The following MSI2 variants were observed in gnomAD, a reference collection of about 807,000 sequenced individuals.
MSI2 encodes the protein musashi RNA binding protein 2.
In MSI2, 17 loss-of-function variants were observed where a neutral mutation model predicts 45.6. The observed-to-expected ratio is 0.37, with a 90% CI of 0.26 to 0.56. The LOEUF (loss-of-function observed/expected upper bound fraction) is 0.56. Among genes scored for constraint, MSI2 ranks in the 20% least tolerant of loss-of-function variants. MSI2 has a pLI of 0.77. For synonymous variants in MSI2, 156 were observed against 158.2 expected (o/e 0.99, Z 0.11); for missense variants, 293 against 444.2 (o/e 0.66, Z 3.06).
intron 10 of MSI2, among the ~76,000 whole-genome samples, chr17:57,648,043 A>G (rs1244839354): frequency 6.6e-6 from 1 of 150,806 alleles, no homozygotes; most frequent in Non-Finnish European, 1.5e-5. Context: ...GCTCACTGCA[A>G]CCTCCACCTT....
At chr17:57,393,425 A>G (rs1598209286) in intron 5 of MSI2, among the ~76,000 whole-genome samples, 1 of 152,208 alleles carries the variant, frequency 6.6e-6, no homozygotes, top group Admixed American at 6.6e-5. Context: ...AACGCTTTCA[A>G]GGTTCATCCA....
intron 5 of MSI2, among the ~76,000 whole-genome samples, chr17:57,383,318 G>C (rs1046913061): frequency 1.3e-5 from 2 of 152,254 alleles, no homozygotes; most frequent in African/African-American, 4.8e-5. Context: ...CTGTTTTAAG[G>C]TGGCTGTTTG....
the MSI2 span, among the ~76,000 whole-genome samples, chr17:57,692,094 A>G: frequency 1.3e-5 from 2 of 152,208 alleles, no homozygotes; most frequent in African/African-American, 4.8e-5. Context: ...TGTTCTTTGC[A>G]TATATTGAAA....
intron 5 of MSI2, among the ~76,000 whole-genome samples, chr17:57,301,649 T>G (rs1397990734): frequency 6.6e-6 from 1 of 152,244 alleles, no homozygotes; most frequent in African/African-American, 2.4e-5. Flanking sequence ...TGCAGCTCAT[T>G]TGTTTTCATT....
chr17:57,518,208 C>T (rs2086510167), intron 6 of MSI2, among the ~76,000 whole-genome samples: 1 of 152,158 alleles, frequency 6.6e-6, no homozygotes, highest in Non-Finnish European at 1.5e-5. Context: ...CATTATCAAG[C>T]CATGTTATTT....
At chr17:57,673,277 C>T (rs544096571) in intron 11 of MSI2, among the ~76,000 whole-genome samples, 75 of 152,218 alleles carry the variant, frequency 4.9e-4, no homozygotes, top group Non-Finnish European at 8.8e-4. Context: ...CCCACCAGAA[C>T]TGAGGGCCTC....
chr17:57,258,318 A>T lies in MSI2; in HGVS notation c.234A>T (p.Val78=), dbSNP rs191776651. 6.3e-5 allele frequency: 101 copies of T among 1,613,998 alleles called. No homozygotes were observed. Among genetic ancestry groups the T allele is most frequent in the Non-Finnish European group, 8.3e-5 (98 of 1,179,982 alleles). The change falls in exon 4 of 14, where the codon GTA becomes GTT. Residue 78 remains valine (V), a synonymous_variant. Transcript: ENST00000284073. ...CAGACCCAGCAAGTGTAGATAAAGT[A>T]TTAGGTCAGCCCCACCATGAGTTAG... ...TFADPASVDK[V]LGQPHHELDS... is the part of the protein sequence containing the mutation.
Position 57,683,117 on chromosome 17 carries a change from TA to T in MSI2, c.*3602del. The T allele has an allele frequency of 4.4e-6, 1 of 229,778 alleles. No homozygotes were observed. Among genetic ancestry groups the T allele is most frequent in the Non-Finnish European group, 8.6e-6 (1 of 115,858 alleles). 14.2% of individuals were successfully genotyped at this position (229,778 alleles called of 1,614,324 possible). The stretch of plus-strand genomic sequence containing the variant: ...TTTTTATCCTTCATAACCTTCATCT[TA>T]ATTTGAACTTGTAGCTTGGACTTTA... On this transcript the variant is annotated 3_prime_UTR_variant, in exon 14 of 14. Coordinates refer to ENST00000284073, the MANE Select transcript of MSI2 (RefSeq NM_138962.4). This position sits in a 1 kb window ranked among gnomAD's most constrained non-coding sequence, Gnocchi z 5.2.
intron 5 of MSI2, among the ~76,000 whole-genome samples, chr17:57,295,039 G>A (rs1910797277): frequency 6.6e-6 from 1 of 152,154 alleles, no homozygotes; most frequent in Non-Finnish European, 1.5e-5. Flanking sequence ...GCCAGGGAAG[G>A]CTTCATAGAG....
intron 5 of MSI2, among the ~76,000 whole-genome samples, chr17:57,275,250 T>C (rs1283044402): frequency 6.6e-6 from 1 of 152,204 alleles, no homozygotes; most frequent in Non-Finnish European, 1.5e-5. Context: ...GTCCCCAGCC[T>C]TTGAAGATGC....
intron 6 of MSI2, among the ~76,000 whole-genome samples, chr17:57,436,256 G>A (rs1362420527): frequency 1.3e-5 from 2 of 152,180 alleles, no homozygotes; most frequent in Admixed American, 1.3e-4. Flanking sequence ...GGAAGAATAA[G>A]AAAGTAACTA....
At chr17:57,322,352 T>G (rs1018683782) in intron 5 of MSI2, among the ~76,000 whole-genome samples, 3 of 152,144 alleles carry the variant, frequency 2.0e-5, no homozygotes, top group Admixed American at 6.5e-5. Flanking sequence ...CAGAGTCTGA[T>G]TAGGAGAACT....
chr17:57,485,559 A>G (rs889129724), intron 6 of MSI2, among the ~76,000 whole-genome samples: 25 of 152,204 alleles, frequency 1.6e-4, no homozygotes, highest in Non-Finnish European at 2.9e-5. Flanking sequence ...CTGCTCAGGA[A>G]AGAAAGGGCC....
intron 6 of MSI2, among the ~76,000 whole-genome samples, chr17:57,528,655 C>G (rs947147462): frequency 1.3e-5 from 2 of 152,162 alleles, no homozygotes; most frequent in Non-Finnish European, 2.9e-5. Flanking sequence ...TGAGGCCTCT[C>G]TCCTTGGCTT....
At chr17:57,557,778 T>A (rs943775503) in intron 7 of MSI2, among the ~76,000 whole-genome samples, 1 of 152,206 alleles carries the variant, frequency 6.6e-6, no homozygotes, top group Non-Finnish European at 1.5e-5. Flanking sequence ...ATACCATTGA[T>A]GAGAAGCAGC....
At chr17:57,484,004 C>T (rs552559742) in intron 6 of MSI2, among the ~76,000 whole-genome samples, 1 of 152,166 alleles carries the variant, frequency 6.6e-6, no homozygotes, top group Non-Finnish European at 1.5e-5. Context: ...GGTTTGGAAC[C>T]GAGAGCTGGT....
intron 6 of MSI2, among the ~76,000 whole-genome samples, chr17:57,467,525 A>G (rs1294093002): frequency 6.6e-6 from 1 of 152,162 alleles, no homozygotes; most frequent in Non-Finnish European, 1.5e-5. Flanking sequence ...GGATCGATGA[A>G]AGGAAGGAAG....
intron 11 of MSI2, among the ~76,000 whole-genome samples, chr17:57,667,863 T>A (rs1322040867): frequency 6.6e-6 from 1 of 152,178 alleles, no homozygotes; most frequent in Non-Finnish European, 1.5e-5. Context: ...GCCTTGGGGC[T>A]TGAGATACAC....
intron 8 of MSI2, among the ~76,000 whole-genome samples, chr17:57,606,779 G>C (rs1400821292): frequency 6.6e-6 from 1 of 152,104 alleles, no homozygotes. Flanking sequence ...AATTCTGGAA[G>C]TGGTAAGGAG....
Sources: allele counts gnomAD v4.1 joint callset (sites outside exome capture counted in the v4.1 genomes callset), GRCh38; gene constraint gnomAD v4.1.1; non-coding constraint Gnocchi (gnomAD v3.1); transcripts MANE v1.5; gene names NCBI Gene and HGNC (gene_info 2026-07-23, HGNC 2026-07-21).